Variants in TRAPPC3 observed in about 807,000 individuals in gnomAD.
TRAPPC3 encodes the protein trafficking protein particle complex subunit 3.
TRAPPC3 carries 5 observed loss-of-function variants against 18.2 expected under a neutral mutation model. That is an observed-to-expected ratio of 0.28 (90% CI 0.14 to 0.58). The LOEUF (loss-of-function observed/expected upper bound fraction) is 0.58. Ranked by LOEUF, TRAPPC3 falls within the 20% of genes least tolerant of loss-of-function variation. TRAPPC3 has a pLI of 0.91. For missense variants in TRAPPC3, 176 were observed against 225.9 expected (o/e 0.78, Z 1.41); for synonymous variants, 65 against 84.2 (o/e 0.77, Z 1.25).
chr1:36,148,984 T>A, intron 1 of TRAPPC3: 2 of 961,576 alleles, frequency 2.1e-6, no homozygotes, highest in Non-Finnish European at 1.3e-6. Flanking sequence ...ATGTTATCCA[T>A]CTGATAGGGG....
chr1:36,137,006 C>A lies in TRAPPC3; in HGVS notation c.*197G>T, dbSNP rs553196699. The A allele has an allele frequency of 2.9e-5, 15 of 508,766 alleles. No homozygotes were observed. The East Asian group carries it at 4.9e-4, about 17-fold the overall frequency. The allele number at this position is 508,766 out of a possible 1,614,324, so 31.5% of individuals were successfully genotyped here. ...TCAAGGGAATGGGGGCAGAGACTGT[C>A]GCTCCTGAATGTGCACACATGGGGT... On this transcript the variant is annotated 3_prime_UTR_variant, in exon 5 of 5. Coordinates refer to ENST00000373166, the MANE Select transcript of TRAPPC3 (RefSeq NM_014408.5).
chr1:36,149,125 T>A, intron 1 of TRAPPC3: 14 of 1,440,322 alleles, frequency 9.7e-6, no homozygotes, highest in Middle Eastern at 2.0e-4. Context: ...AGAGCTGCAC[T>A]CAGGCCTTGG....
At chr1:36,153,467 C>T (rs1008824082), upstream of TRAPPC3, among the ~76,000 whole-genome samples, 1 of 152,202 alleles carries the variant, frequency 6.6e-6, no homozygotes, top group Admixed American at 6.5e-5. Context: ...GGAGAACTGT[C>T]GTTTAAGCTG....
intron 1 of TRAPPC3, chr1:36,149,121 G>A: frequency 1.4e-6 from 2 of 1,442,908 alleles, no homozygotes; most frequent in East Asian, 2.5e-5. Flanking sequence ...GCACAGAGCT[G>A]CACTCAGGCC....
chr1:36,151,268 A>G (rs1004030848), upstream of TRAPPC3, among the ~76,000 whole-genome samples: 4 of 152,030 alleles, frequency 2.6e-5, no homozygotes, highest in African/African-American at 9.7e-5. Flanking sequence ...CATGCCAGTA[A>G]CCCCAGCACA....
chr1:36,145,808 C>T (rs1407728875), intron 1 of TRAPPC3, among the ~76,000 whole-genome samples: 1 of 152,242 alleles, frequency 6.6e-6, no homozygotes, highest in Non-Finnish European at 1.5e-5. Context: ...GAGTCTCGCA[C>T]TGTCGCCCAG....
At chr1:36,142,213 A>G (rs1477108159) in intron 1 of TRAPPC3, among the ~76,000 whole-genome samples, 1 of 152,158 alleles carries the variant, frequency 6.6e-6, no homozygotes, top group Non-Finnish European at 1.5e-5. Context: ...TTGAACTCAA[A>G]TAAACAGTCA....
intron 1 of TRAPPC3, among the ~76,000 whole-genome samples, chr1:36,146,496 C>T (rs1283909690): frequency 6.7e-6 from 1 of 150,012 alleles, no homozygotes; most frequent in Non-Finnish European, 1.5e-5. Flanking sequence ...CGGGGTTTCA[C>T]CCTGGTCTCC....
intron 1 of TRAPPC3, 172 bp from the exon 2 acceptor site, chr1:36,140,338 G>A: frequency 2.1e-6 from 1 of 467,886 alleles, no homozygotes; most frequent in Non-Finnish European, 3.7e-6. Context: ...GGTCAAAGCA[G>A]CAGGGCTGCA....
At chr1:36,145,859 C>T (rs1371763998) in intron 1 of TRAPPC3, among the ~76,000 whole-genome samples, 5 of 152,128 alleles carry the variant, frequency 3.3e-5, no homozygotes, top group Non-Finnish European at 7.4e-5. Context: ...CTGCAAGCTC[C>T]GCCTCTCGGG....
upstream of TRAPPC3, among the ~76,000 whole-genome samples, chr1:36,154,465 G>C (rs1168278087): frequency 6.6e-6 from 1 of 152,150 alleles, no homozygotes; most frequent in African/African-American, 2.4e-5. Context: ...TCCTGAGTCT[G>C]GTCACTGCCT....
At chr1:36,146,979 G>A (rs1644211354) in intron 1 of TRAPPC3, among the ~76,000 whole-genome samples, 1 of 152,228 alleles carries the variant, frequency 6.6e-6, no homozygotes, top group South Asian at 2.1e-4. Flanking sequence ...TGGCTCTTGA[G>A]CCGTTTGCTT....
upstream of TRAPPC3, among the ~76,000 whole-genome samples, chr1:36,152,029 G>T (rs1644275289): frequency 1.3e-5 from 2 of 152,094 alleles, no homozygotes; most frequent in South Asian, 4.1e-4. Flanking sequence ...GTGCCTTGAG[G>T]CTGGGGTGGG....
chr1:36,138,099 G>A, intron 3 of TRAPPC3, 121 bp from the exon 4 acceptor site: 1 of 1,571,586 alleles, frequency 6.4e-7, no homozygotes. Context: ...GCCTCTGCAA[G>A]ATGACACTTC....
upstream of TRAPPC3, among the ~76,000 whole-genome samples, chr1:36,151,938 G>A (rs1404402227): frequency 6.6e-6 from 1 of 152,140 alleles, no homozygotes; most frequent in Non-Finnish European, 1.5e-5. Context: ...ACAGGGAGTG[G>A]GCCCTGGGAG....
At chr1:36,149,315 G>A (rs780687881) in intron 1 of TRAPPC3, 22 bp downstream of exon 1, 6 of 1,613,450 alleles carry the variant, frequency 3.7e-6, no homozygotes, top group African/African-American at 2.7e-5. Flanking sequence ...CCCGCCCGCC[G>A]AGGTCACGCG....
At chr1:36,148,493 G>T (rs543149891) in intron 1 of TRAPPC3, among the ~76,000 whole-genome samples, 5 of 151,946 alleles carry the variant, frequency 3.3e-5, no homozygotes, top group Non-Finnish European at 7.4e-5. Flanking sequence ...TACTCGGGAG[G>T]CTGAGGCAGA....
Position 36,136,905 on chromosome 1 carries a change from G to T in TRAPPC3, c.*298C>A. 1 of 219,006 alleles carries T rather than the reference G, an allele frequency of 4.6e-6. No homozygotes were observed. Among genetic ancestry groups the T allele is most frequent in the Non-Finnish European group, 9.1e-6 (1 of 109,842 alleles). The allele number at this position is 219,006 out of a possible 1,614,324, so 13.6% of individuals were successfully genotyped here. A position where few individuals can be genotyped will look rare whatever the true frequency, so the allele number is the denominator to read the frequency against. ...ATGGGGTCAAAGTGAGTTTTGCTTT[G>T]GAAAAATTCAAACAGGAATGTAAAA... On this transcript the variant is annotated 3_prime_UTR_variant, in exon 5 of 5. Coordinates refer to ENST00000373166, the MANE Select transcript of TRAPPC3 (RefSeq NM_014408.5).
intron 1 of TRAPPC3, among the ~76,000 whole-genome samples, chr1:36,141,685 C>T (rs1261910605): frequency 1.3e-5 from 2 of 152,064 alleles, no homozygotes; most frequent in African/African-American, 2.4e-5. Context: ...GGAGGCTGGG[C>T]GCGGTGGCTC....
Sources: allele counts gnomAD v4.1 joint callset (sites outside exome capture counted in the v4.1 genomes callset), GRCh38; gene constraint gnomAD v4.1.1; transcripts MANE v1.5; gene names NCBI Gene and HGNC (gene_info 2026-07-23, HGNC 2026-07-21).